FCHO2: variants seen among roughly 807,000 people sequenced by gnomAD.
The protein encoded by FCHO2 is F-BAR domain only protein 2.
In FCHO2, 43 loss-of-function variants were observed where a neutral mutation model predicts 114.1. The ratio of observed to expected loss-of-function variants is 0.38; its 90% CI spans 0.30 to 0.49. The LOEUF (loss-of-function observed/expected upper bound fraction) is 0.49, where lower values mean the gene tolerates loss of function less well. Among genes scored for constraint, FCHO2 ranks in the 20% least tolerant of loss-of-function variants. The pLI is 0.97. For missense variants in FCHO2, 807 were observed against 950.4 expected (o/e 0.85, Z 1.98); for synonymous variants, 293 against 315.2 (o/e 0.93, Z 0.75).
chr5:72,976,242 T>G (rs1436114946), intron 2 of FCHO2, among the ~76,000 whole-genome samples: 1 of 152,202 alleles, frequency 6.6e-6, no homozygotes, highest in Non-Finnish European at 1.5e-5. Flanking sequence ...GGAGCATCTT[T>G]GCTTTTAATT....
chr5:73,041,023 T>A (rs532832264), intron 10 of FCHO2, among the ~76,000 whole-genome samples: 2 of 152,220 alleles, frequency 1.3e-5, no homozygotes, highest in South Asian at 2.1e-4. Flanking sequence ...ATTTATAAGC[T>A]CTCAAAGCAT....
In FCHO2 at chr5:73,077,432, T is replaced by C; in HGVS notation, c.1786T>C (p.Phe596Leu). 6.2e-7 allele frequency: 1 copy of C among 1,601,266 alleles called. No homozygotes were observed. Among genetic ancestry groups the C allele is most frequent in the Non-Finnish European group, 8.5e-7 (1 of 1,173,480 alleles). The change falls in exon 21 of 26, where the codon TTC (phenylalanine) becomes CTC (leucine). Residue 596 changes from phenylalanine to leucine, a missense_variant. Transcript: ENST00000430046. The part of the protein sequence containing the change: ...TSNPTPAVLC[F>L]RVKNISRLEQ... ...CAATCCAACTCCAGCTGTGTTGTGC[T>C]TCAGGGTGAAAAATATCAGCAGACT...
chr5:72,975,365 C>A (rs1485451314), intron 2 of FCHO2, among the ~76,000 whole-genome samples: 2 of 152,166 alleles, frequency 1.3e-5, no homozygotes, highest in Admixed American at 6.5e-5. Context: ...CTAGCTCTGT[C>A]ACCCAGGCTG....
intron 5 of FCHO2, among the ~76,000 whole-genome samples, chr5:72,993,483 A>G (rs1435313942): frequency 1.3e-5 from 2 of 152,228 alleles, no homozygotes; most frequent in Non-Finnish European, 2.9e-5. Flanking sequence ...AAGAAATTCA[A>G]GAGCCCTCAT....
At chr5:73,049,526 AT>A (rs1757244964) in intron 11 of FCHO2, among the ~76,000 whole-genome samples, 2 of 151,866 alleles carry the variant, frequency 1.3e-5, no homozygotes, top group Admixed American at 1.3e-4. Flanking sequence ...TATCTGTAGT[AT>A]TTATTGGCTC....
intron 8 of FCHO2, among the ~76,000 whole-genome samples, chr5:73,027,106 C>T (rs1315159485): frequency 1.3e-5 from 2 of 150,782 alleles, no homozygotes; most frequent in Non-Finnish European, 2.9e-5. Context: ...ATTAAGGCAC[C>T]TGTGGTCTGA....
At chr5:73,064,017 C>T (rs1167919799) in intron 18 of FCHO2, 73 bp downstream of exon 18, 8 of 1,358,050 alleles carry the variant, frequency 5.9e-6, no homozygotes, top group Non-Finnish European at 7.1e-6. Context: ...TTCTATATGC[C>T]CTTTTACAGT....
rs1755565826 is a variant in FCHO2 at position 73,020,628 on chromosome 5, G to A, written c.796+3320G>A. 3 of 809,684 alleles carry A rather than the reference G, an allele frequency of 3.7e-6. No individual in the cohort carries two copies. The Admixed American group carries it at 5.7e-5, about 15-fold the overall frequency. The allele number at this position is 809,684 out of a possible 1,614,324, so 50.2% of individuals were successfully genotyped here. Reference sequence around the variant, plus strand: ...GAATGATGGGTTGGAGGTGGGGTTGGTAGAAGGAGGACTTTCAAGTTCCAG... The same window carrying A: ...GAATGATGGGTTGGAGGTGGGGTTGATAGAAGGAGGACTTTCAAGTTCCAG... On this transcript the variant is annotated intron_variant, in intron 8 of 25. Transcript: ENST00000430046.
chr5:73,070,562 T>G (rs2112878167), intron 19 of FCHO2, among the ~76,000 whole-genome samples: 1 of 150,756 alleles, frequency 6.6e-6, no homozygotes, highest in East Asian at 1.9e-4. Flanking sequence ...ATTTTCGCTT[T>G]AGGTTTTTTT....
intron 8 of FCHO2, among the ~76,000 whole-genome samples, chr5:73,019,508 T>A (rs1755493165): frequency 6.6e-6 from 1 of 152,086 alleles, no homozygotes; most frequent in South Asian, 2.1e-4. Context: ...GCCATTGCAC[T>A]CCAGCCTGGG....
intron 5 of FCHO2, among the ~76,000 whole-genome samples, chr5:72,993,731 A>C (rs1438946015): frequency 6.6e-6 from 1 of 152,182 alleles, no homozygotes; most frequent in East Asian, 1.9e-4. Flanking sequence ...CAGACCTTTT[A>C]AGGACCATTT....
intron 5 of FCHO2, chr5:72,997,476 C>G: frequency 6.5e-7 from 1 of 1,546,106 alleles, no homozygotes; most frequent in Non-Finnish European, 8.9e-7. Context: ...GCTAACTCTC[C>G]AGGGGTTTAC....
chr5:73,034,739 A>C lies in FCHO2; in HGVS notation c.841+38A>C. 4 of 1,506,004 alleles carry C rather than the reference A, an allele frequency of 2.7e-6. 1 individual carries two copies. The South Asian group carries it at 3.9e-5, about 15-fold the overall frequency. The allele number at this position is 1,506,004 out of a possible 1,614,324, so 93.3% of individuals were successfully genotyped here. A position where few individuals can be genotyped will look rare whatever the true frequency, so the allele number is the denominator to read the frequency against. On this transcript the variant is annotated intron_variant, in intron 9 of 25. Coordinates refer to ENST00000430046, the MANE Select transcript of FCHO2 (RefSeq NM_138782.3). Reference sequence around the variant, plus strand: ...GTTATAATATGTTAATGCACATGGCAGCTAGCTAGTATCTTCTGTTCATTG... The same window carrying C: ...GTTATAATATGTTAATGCACATGGCCGCTAGCTAGTATCTTCTGTTCATTG...
intron 17 of FCHO2, among the ~76,000 whole-genome samples, chr5:73,059,420 C>T (rs1351717039): frequency 1.3e-5 from 2 of 152,056 alleles, no homozygotes; most frequent in Non-Finnish European, 2.9e-5. Flanking sequence ...AGTAACTTCT[C>T]CAAGATTATA....
chr5:72,962,864 G>T (rs1294029722), intron 1 of FCHO2, among the ~76,000 whole-genome samples: 1 of 151,642 alleles, frequency 6.6e-6, no homozygotes, highest in African/African-American at 2.4e-5. Context: ...CTGTACTCCA[G>T]TTGGGCGACA....
chr5:73,050,039 A>T (rs1757268399), intron 11 of FCHO2, among the ~76,000 whole-genome samples: 3 of 152,154 alleles, frequency 2.0e-5, no homozygotes, highest in Non-Finnish European at 4.4e-5. Flanking sequence ...CTGAATTTAC[A>T]TTATATATAT....
chr5:73,036,546 T>G (rs553969931), intron 9 of FCHO2, among the ~76,000 whole-genome samples: 1 of 151,942 alleles, frequency 6.6e-6, no homozygotes, highest in Admixed American at 6.5e-5. Flanking sequence ...GCTAATCTTT[T>G]GTATTTTTTT....
chr5:73,027,084 G>T (rs1202339885), intron 8 of FCHO2, among the ~76,000 whole-genome samples: 1 of 150,556 alleles, frequency 6.6e-6, no homozygotes, highest in East Asian at 1.9e-4. Context: ...ACTGTAAGAG[G>T]ATGCTTTGAA....
At chr5:73,040,981 A>G (rs562185796) in intron 10 of FCHO2, among the ~76,000 whole-genome samples, 6 of 152,256 alleles carry the variant, frequency 3.9e-5, no homozygotes, top group African/African-American at 1.2e-4. Context: ...TATTCATGGA[A>G]AAGAATTATT....
Sources: allele counts gnomAD v4.1 joint callset (sites outside exome capture counted in the v4.1 genomes callset), GRCh38; gene constraint gnomAD v4.1.1; transcripts MANE v1.5; gene names NCBI Gene and HGNC (gene_info 2026-07-23, HGNC 2026-07-21).